The following RAD51B variants were observed in gnomAD, a reference collection of about 807,000 sequenced individuals.
RAD51B encodes the protein RAD51 paralog B, also known as DNA repair protein RAD51 homolog 2.
Under a neutral mutation model 42.2 loss-of-function variants are expected in RAD51B, and 38 were observed. The observed-to-expected ratio is 0.90, with a 90% CI of 0.70 to 1.18. The LOEUF is 1.18. RAD51B is among the 50% of genes most tolerant of loss of function. RAD51B has a pLI of 0.00. For missense variants in RAD51B, 373 were observed against 400.7 expected (o/e 0.93, Z 0.59); for synonymous variants, 154 against 145.2 (o/e 1.06, Z -0.43).
intron 8 of RAD51B, among the ~76,000 whole-genome samples, chr14:68,349,507 C>T (rs1183839583): frequency 1.3e-5 from 2 of 152,108 alleles, no homozygotes; most frequent in Non-Finnish European, 2.9e-5. Context: ...GCTGGGATTG[C>T]AGGTTCGTGC....
chr14:67,897,941 C>T (rs2043478764), intron 7 of RAD51B, among the ~76,000 whole-genome samples: 2 of 152,140 alleles, frequency 1.3e-5, no homozygotes, highest in Non-Finnish European at 1.5e-5. Flanking sequence ...CATGAGCCAC[C>T]ATGCCTGGTC....
chr14:68,241,556 A>T (rs1041231217), intron 7 of RAD51B, among the ~76,000 whole-genome samples: 1 of 152,050 alleles, frequency 6.6e-6, no homozygotes, highest in East Asian at 1.9e-4. Flanking sequence ...ATAAAAAAAT[A>T]AAAAAAAATT....
intron 8 of RAD51B, among the ~76,000 whole-genome samples, chr14:68,406,638 G>A (rs2084283149): frequency 6.6e-6 from 1 of 152,012 alleles, no homozygotes; most frequent in Non-Finnish European, 1.5e-5. Flanking sequence ...GTATCCTTAG[G>A]CTATATTCAT....
At chr14:68,062,814 CAAAAAAAAAAAAAAAAAG>C (rs1279652583) in intron 7 of RAD51B, among the ~76,000 whole-genome samples, 1 of 39,798 alleles carries the variant, frequency 2.5e-5, no homozygotes, top group Non-Finnish European at 5.4e-5. Flanking sequence ...GACTCTGTGA[CAAAAAAAAAAAAAAAAAG>C]AAAAAAAAAA....
At chr14:68,184,138 T>G (rs112359374) in intron 7 of RAD51B, among the ~76,000 whole-genome samples, 2 of 151,710 alleles carry the variant, frequency 1.3e-5, no homozygotes, top group African/African-American at 4.8e-5. Context: ...GGCATGCACC[T>G]GTACTTGGAT....
chr14:67,892,466 G>A (rs2043249193), intron 7 of RAD51B, among the ~76,000 whole-genome samples: 1 of 152,128 alleles, frequency 6.6e-6, no homozygotes, highest in Non-Finnish European at 1.5e-5. Flanking sequence ...GCCCAGAAAT[G>A]GATTCATAGG....
At chr14:68,049,582 C>T (rs1291611507) in intron 7 of RAD51B, among the ~76,000 whole-genome samples, 1 of 152,152 alleles carries the variant, frequency 6.6e-6, no homozygotes, top group African/African-American at 2.4e-5. Context: ...TTGCTCGTCA[C>T]CCTGTCCTTT....
At chr14:68,163,733 T>G (rs1407432171) in intron 7 of RAD51B, among the ~76,000 whole-genome samples, 1 of 152,158 alleles carries the variant, frequency 6.6e-6, no homozygotes, top group Non-Finnish European at 1.5e-5. Flanking sequence ...ACCTAGCATA[T>G]TTTAGTAAGG....
intron 10 of RAD51B, among the ~76,000 whole-genome samples, chr14:68,640,237 C>T (rs1344402630): frequency 6.6e-6 from 1 of 152,202 alleles, no homozygotes; most frequent in Non-Finnish European, 1.5e-5. Flanking sequence ...GCACCCCTTT[C>T]CAGGGACTCT....
At chr14:68,495,386 T>C (rs1247868294) in intron 10 of RAD51B, among the ~76,000 whole-genome samples, 1 of 151,910 alleles carries the variant, frequency 6.6e-6, no homozygotes, top group Non-Finnish European at 1.5e-5. Context: ...TGAAATCAGA[T>C]CCTGGCACAC....
At chr14:68,135,299 A>G (rs190484644) in intron 7 of RAD51B, among the ~76,000 whole-genome samples, 114 of 152,354 alleles carry the variant, frequency 7.5e-4, no homozygotes, top group Non-Finnish European at 1.4e-3. Context: ...ACAATGGATT[A>G]TTGTAAATAA....
At chr14:67,992,123 A>G (rs2140294193) in intron 7 of RAD51B, among the ~76,000 whole-genome samples, 1 of 152,350 alleles carries the variant, frequency 6.6e-6, no homozygotes, top group South Asian at 2.1e-4. Context: ...GCATCGGACT[A>G]TTTTGTTCTG....
At chr14:68,240,011 C>T (rs891229506) in intron 7 of RAD51B, among the ~76,000 whole-genome samples, 7 of 152,216 alleles carry the variant, frequency 4.6e-5, no homozygotes, top group South Asian at 2.1e-4. Flanking sequence ...AGAACATCCA[C>T]GAAGGCATCA....
chr14:68,557,558 G>GGT (rs1416542383), intron 10 of RAD51B, among the ~76,000 whole-genome samples: 2 of 152,168 alleles, frequency 1.3e-5, no homozygotes, highest in Non-Finnish European at 1.5e-5. Flanking sequence ...GACTTACAAT[G>GGT]GTGCTGTGCA....
intron 10 of RAD51B, among the ~76,000 whole-genome samples, chr14:68,602,546 A>ATAGATAGATAGG (rs574497227): frequency 2.0e-5 from 3 of 151,990 alleles, no homozygotes; most frequent in African/African-American, 7.3e-5. Flanking sequence ...AGATAGATAG[A>ATAGATAGATAGG]TAATACATGA....
At chr14:68,284,998 C>T (rs2081386425) in intron 7 of RAD51B, among the ~76,000 whole-genome samples, 1 of 152,194 alleles carries the variant, frequency 6.6e-6, no homozygotes, top group South Asian at 2.1e-4. Context: ...CTCTTGCCCT[C>T]ATTGCTTTCC....
At chr14:68,185,976 C>T (rs570381366) in intron 7 of RAD51B, among the ~76,000 whole-genome samples, 2 of 152,210 alleles carry the variant, frequency 1.3e-5, no homozygotes, top group African/African-American at 4.8e-5. Context: ...TATAAGGCTG[C>T]AGTAAGCAAA....
At chr14:68,387,957 AT>A (rs1455486274) in intron 8 of RAD51B, among the ~76,000 whole-genome samples, 1 of 152,064 alleles carries the variant, frequency 6.6e-6, no homozygotes, top group African/African-American at 2.4e-5. Flanking sequence ...TGTTTTGGAT[AT>A]ATTGTGCTAA....
intron 7 of RAD51B, among the ~76,000 whole-genome samples, chr14:67,980,221 G>C (rs2075066122): frequency 6.6e-6 from 1 of 152,104 alleles, no homozygotes; most frequent in African/African-American, 2.4e-5. Context: ...GAGGCAGGTG[G>C]ATCACCTGAG....
Sources: allele counts gnomAD v4.1 joint callset (sites outside exome capture counted in the v4.1 genomes callset), GRCh38; gene constraint gnomAD v4.1.1; transcripts MANE v1.5; gene names NCBI Gene and HGNC (gene_info 2026-07-23, HGNC 2026-07-21).